Variants in SLC9C2 observed in about 807,000 individuals in gnomAD.
SLC9C2 encodes sodium/hydrogen exchanger 11.
SLC9C2 carries 75 observed loss-of-function variants against 140.2 expected under a neutral mutation model. The ratio of observed to expected loss-of-function variants is 0.53; its 90% CI spans 0.44 to 0.65. The LOEUF (loss-of-function observed/expected upper bound fraction) is 0.65. SLC9C2 is among the 30% of genes least tolerant of loss of function. The pLI is 0.00. For missense variants in SLC9C2, 1,074 were observed against 1,331.8 expected, an observed-to-expected ratio of 0.81 and a Z score of 3.01; for synonymous variants, 375 against 420.9, an observed-to-expected ratio of 0.89 and a Z score of 1.34.
At chr1:173,562,145 C>T (rs901569225) in intron 9 of SLC9C2, among the ~76,000 whole-genome samples, 1 of 152,120 alleles carries the variant, frequency 6.6e-6, no homozygotes, top group South Asian at 2.1e-4. Context: ...CAGAAACTAG[C>T]CCCTGTGCCC....
In SLC9C2 at chr1:173,551,778, A is replaced by G. The variant is rs539693473; in HGVS notation, c.1297+2955T>C. On this transcript the variant is annotated intron_variant, in intron 11 of 27. Transcript: ENST00000367714. ...GATCTCGCTATTCCCTGAGACACAC[A>G]GTATTGAAATTAGGCCAATTAATAA... 5.4e-4 allele frequency among the ~76,000 whole-genome samples: 82 copies of G among 152,252 alleles called. 1 individual carries two copies. The highest frequency in any genetic ancestry group is 5.2e-3 in the Admixed American group (80 of 15,294).
In SLC9C2 at chr1:173,507,022, C is replaced by T. The variant is rs751028860; in HGVS notation, c.3059G>A (p.Cys1020Tyr). ...CACATATGCTTGATTGAACATCACA[C>T]AGTTCTGAAACCTTAAGTCCTATAA... The part of the protein sequence containing the change: ...LIDEDLRFQN[C>Y]VMFNQAYVET... The change falls in exon 25 of 28, where the codon TGT (cysteine) becomes TAT (tyrosine). Residue 1020 changes from cysteine (C) to tyrosine (Y), a missense_variant. Coordinates refer to ENST00000367714, the MANE Select transcript of SLC9C2 (RefSeq NM_178527.4). 49 of 1,597,428 alleles carry T rather than the reference C, an allele frequency of 3.1e-5. No homozygotes were observed. The highest frequency in any genetic ancestry group is 4.1e-5 in the Non-Finnish European group (48 of 1,174,644).
At chr1:173,545,147 A>G (rs1280560655) in intron 13 of SLC9C2, among the ~76,000 whole-genome samples, 1 of 152,196 alleles carries the variant, frequency 6.6e-6, no homozygotes, top group Non-Finnish European at 1.5e-5. Context: ...TCTCAACAAG[A>G]CTAAAGGCCT....
chr1:173,600,790 A>C (rs998575933), intron 2 of SLC9C2, among the ~76,000 whole-genome samples: 1 of 152,208 alleles, frequency 6.6e-6, no homozygotes, highest in Non-Finnish European at 1.5e-5. Flanking sequence ...AACTTGTGAT[A>C]TCAAAAGTGA....
Position 173,506,863 on chromosome 1 carries a change from C to T in SLC9C2, c.3218G>A (p.Cys1073Tyr). 6.2e-7 allele frequency: 1 copy of T among 1,612,052 alleles called. No individual in the cohort carries two copies. Among genetic ancestry groups the T allele is most frequent in the South Asian group, 1.1e-5 (1 of 90,634 alleles). Residue 1073 changes from cysteine (C) to tyrosine (Y), a missense_variant, in exon 25 of 28, where the codon TGT becomes TAT. Cys to Tyr is a radical substitution (Grantham distance 194). Transcript: ENST00000367714. ...YFAPCIIPTT[C>Y]EQVQGTSDLS... is the part of the protein sequence containing the mutation. ...AGAAATGATATTTCTTACCTGCTCACAGGTTGTAGGTATAATGCAAGGTGC... is the reference window on the plus strand; with the variant it reads ...AGAAATGATATTTCTTACCTGCTCATAGGTTGTAGGTATAATGCAAGGTGC...
intron 9 of SLC9C2, among the ~76,000 whole-genome samples, chr1:173,570,920 G>A (rs1029991730): frequency 1.3e-5 from 2 of 152,142 alleles, no homozygotes; most frequent in Non-Finnish European, 2.9e-5. Context: ...GACTGGGGAG[G>A]GGTGGTGTCA....
intron 4 of SLC9C2, among the ~76,000 whole-genome samples, chr1:173,588,344 T>C (rs990325398): frequency 3.9e-5 from 6 of 152,234 alleles, no homozygotes; most frequent in Non-Finnish European, 8.8e-5. Flanking sequence ...GTAATTTCTA[T>C]GCACACATTG....
intron 9 of SLC9C2, among the ~76,000 whole-genome samples, chr1:173,568,909 T>A (rs1553256516): frequency 6.6e-6 from 1 of 152,188 alleles, no homozygotes; most frequent in African/African-American, 2.4e-5. Context: ...GAGTTTTATA[T>A]CTTCTGATGA....
chr1:173,592,066 A>G (rs1571631955), intron 4 of SLC9C2, among the ~76,000 whole-genome samples: 1 of 152,132 alleles, frequency 6.6e-6, no homozygotes, highest in East Asian at 1.9e-4. Context: ...AAGGGGTCCA[A>G]TTTCAACCTT....
chr1:173,539,297 C>A (rs1241179730), intron 13 of SLC9C2, among the ~76,000 whole-genome samples: 1 of 152,068 alleles, frequency 6.6e-6, no homozygotes, highest in Non-Finnish European at 1.5e-5. Flanking sequence ...ATATTGGAGA[C>A]AAGGGGACCA....
intron 3 of SLC9C2, among the ~76,000 whole-genome samples, chr1:173,599,087 A>T (rs1041708323): frequency 3.3e-5 from 5 of 152,058 alleles, no homozygotes; most frequent in Non-Finnish European, 7.3e-5. Flanking sequence ...GATGAACACA[A>T]CTGCTGCCTT....
rs531299324 is a variant in SLC9C2 at position 173,544,384 on chromosome 1, T to C, written c.1557+3305A>G. ...CAGGTGCTGGAGAGGATGTGGAGAATTAGGAATGCTCTTACACTGTTGGTG... is the reference window on the plus strand; with the variant it reads ...CAGGTGCTGGAGAGGATGTGGAGAACTAGGAATGCTCTTACACTGTTGGTG... On this transcript the variant is annotated intron_variant, in intron 13 of 27. Coordinates refer to ENST00000367714, the MANE Select transcript of SLC9C2 (RefSeq NM_178527.4). 3.7e-3 allele frequency among the ~76,000 whole-genome samples: 559 copies of C among 152,184 alleles called. 4 individuals carry two copies. The highest frequency in any genetic ancestry group is 0.011 in the African/African-American group (439 of 41,530).
At chr1:173,550,588 G>A (rs1362573872) in intron 11 of SLC9C2, among the ~76,000 whole-genome samples, 2 of 151,504 alleles carry the variant, frequency 1.3e-5, no homozygotes, top group East Asian at 2.0e-4. Context: ...ACAGGCATGC[G>A]CCACCATGCC....
intron 4 of SLC9C2, among the ~76,000 whole-genome samples, chr1:173,591,107 A>T (rs1240126278): frequency 6.6e-6 from 1 of 151,910 alleles, no homozygotes; most frequent in Non-Finnish European, 1.5e-5. Context: ...TTTAGCTTCC[A>T]CTTGTAAGTG....
chr1:173,543,508 A>AAAGTT (rs1386983949), intron 13 of SLC9C2, among the ~76,000 whole-genome samples: 1 of 152,204 alleles, frequency 6.6e-6, no homozygotes, highest in Non-Finnish European at 1.5e-5. Context: ...AAATTACTTT[A>AAAGTT]AAGTTCATAT....
chr1:173,571,304 A>T (rs536968852), intron 9 of SLC9C2, among the ~76,000 whole-genome samples: 109 of 152,038 alleles, frequency 7.2e-4, no homozygotes, highest in Non-Finnish European at 1.4e-3. Context: ...ACTTTTTTTC[A>T]TACTTACCTA....
At chr1:173,595,647 A>G (rs117680926) in intron 4 of SLC9C2, among the ~76,000 whole-genome samples, 1 of 152,338 alleles carries the variant, frequency 6.6e-6, no homozygotes, top group East Asian at 1.9e-4. Context: ...AAATTTTTAA[A>G]TTAGTAGAAG....
chr1:173,501,311 A>G lies in SLC9C2; in HGVS notation c.3372-214T>C, dbSNP rs988486978. On this transcript the variant is annotated intron_variant, in intron 27 of 27. Coordinates refer to ENST00000367714, the MANE Select transcript of SLC9C2 (RefSeq NM_178527.4). ...CTGTCATCTTGTGAAGAGATACTAC[A>G]TTAATTCCATGAGAGTAGTCTATCA... Among the ~76,000 whole-genome samples the G allele has an allele frequency of 6.2e-4, 94 of 152,248 alleles. 1 individual carries two copies. Among genetic ancestry groups the G allele is most frequent in the Middle Eastern group, 3.4e-3 (1 of 294 alleles).
intron 17 of SLC9C2, among the ~76,000 whole-genome samples, chr1:173,530,912 AGCT>A (rs1438640778): frequency 6.6e-6 from 1 of 152,044 alleles, no homozygotes; most frequent in East Asian, 1.9e-4. Context: ...TTTTTTTTTA[AGCT>A]GCTATTTTGC....
Sources: allele counts gnomAD v4.1 joint callset (sites outside exome capture counted in the v4.1 genomes callset), GRCh38; gene constraint gnomAD v4.1.1; transcripts MANE v1.5; gene names NCBI Gene and HGNC (gene_info 2026-07-23, HGNC 2026-07-21).